The following RAB31 variants were observed in gnomAD, a reference collection of about 807,000 sequenced individuals.
RAB31 encodes the protein RAB31, member RAS oncogene family.
In RAB31, 21 loss-of-function variants were observed where a neutral mutation model predicts 25.6. The observed-to-expected ratio is 0.82, with a 90% confidence interval of 0.58 to 1.18. The LOEUF (loss-of-function observed/expected upper bound fraction) is 1.18, where lower values mean the gene tolerates loss of function less well. Ranked by LOEUF, RAB31 falls within the 50% of genes most tolerant of loss-of-function variation. The pLI is 0.00. For missense variants in RAB31, 196 were observed against 250.1 expected, an observed-to-expected ratio of 0.78 and a Z score of 1.46; for synonymous variants, 87 against 84.0, an observed-to-expected ratio of 1.04 and a Z score of -0.20.
intron 1 of RAB31, among the ~76,000 whole-genome samples, chr18:9,753,942 G>A (rs558683150): frequency 1.3e-5 from 2 of 152,248 alleles, no homozygotes; most frequent in African/African-American, 2.4e-5. Flanking sequence ...GATGCAAGGC[G>A]TGTTCTAGTG....
chr18:9,844,580 G>C (rs1231495407), intron 5 of RAB31: 3 of 152,274 alleles, frequency 2.0e-5, no homozygotes, highest in African/African-American at 7.2e-5. Flanking sequence ...GTTTGTCTGT[G>C]TTCTAAAGCA....
intron 1 of RAB31, among the ~76,000 whole-genome samples, chr18:9,757,752 T>G (rs1481558691): frequency 6.6e-6 from 1 of 152,184 alleles, no homozygotes; most frequent in African/African-American, 2.4e-5. Context: ...TGCAGGAATG[T>G]CAGAAGTAGG....
chr18:9,774,748 G>C (rs1212506558), intron 1 of RAB31: 1 of 446,964 alleles, frequency 2.2e-6, no homozygotes, highest in Non-Finnish European at 4.4e-6. Context: ...ACTGAGACAA[G>C]ACCATTATAT....
At chr18:9,721,528 A>G (rs2068073609) in intron 1 of RAB31, among the ~76,000 whole-genome samples, 1 of 152,030 alleles carries the variant, frequency 6.6e-6, no homozygotes, top group South Asian at 2.1e-4. Flanking sequence ...AGGCAGGAGA[A>G]TTGTTTTAAC....
At chr18:9,732,380 G>T (rs551552556) in intron 1 of RAB31, among the ~76,000 whole-genome samples, 3 of 152,246 alleles carry the variant, frequency 2.0e-5, no homozygotes, top group Admixed American at 2.0e-4. Flanking sequence ...AGCAGGGCAG[G>T]GCTGTAGCCA....
intron 3 of RAB31, among the ~76,000 whole-genome samples, chr18:9,812,472 C>T (rs8089825): frequency 0.2 from 30,262 of 151,926 alleles, 6,808 homozygotes; most frequent in African/African-American, 0.55. Flanking sequence ...TTCCCAAACC[C>T]ACACCAACAC....
At chr18:9,757,603 C>T (rs1599026486) in intron 1 of RAB31, among the ~76,000 whole-genome samples, 1 of 152,212 alleles carries the variant, frequency 6.6e-6, no homozygotes, top group Non-Finnish European at 1.5e-5. Flanking sequence ...CCACGTTGAA[C>T]CTAGGATGAT....
intron 3 of RAB31, among the ~76,000 whole-genome samples, chr18:9,808,876 C>T (rs1406687155): frequency 3.3e-5 from 5 of 152,232 alleles, no homozygotes; most frequent in Non-Finnish European, 7.3e-5. Flanking sequence ...TGGGAAACTT[C>T]ATGTATTTTC....
intron 1 of RAB31, among the ~76,000 whole-genome samples, chr18:9,730,287 T>C (rs1384860529): frequency 1.6e-5 from 2 of 123,988 alleles, no homozygotes; most frequent in Non-Finnish European, 3.5e-5. Flanking sequence ...CCTCACCTTA[T>C]CTTTTTTTTT....
rs998825466 is a variant in RAB31 at position 9,737,828 on chromosome 18, G to A, written c.39+29384G>A. Among the ~76,000 whole-genome samples, 20 of 152,180 alleles carry A rather than the reference G, an allele frequency of 1.3e-4. 1 individual carries two copies. Among genetic ancestry groups the A allele is most frequent in the Admixed American group, 1.3e-3 (20 of 15,270 alleles). ...GTCCATAGCATAAGGAAACCAAGCA[G>A]GGGTCTCTAAATAGGTCAGAGGGTT... On this transcript the variant is annotated intron_variant, in intron 1 of 6. Coordinates refer to ENST00000578921, the MANE Select transcript of RAB31 (RefSeq NM_006868.4).
intron 5 of RAB31, among the ~76,000 whole-genome samples, chr18:9,840,527 C>T (rs188498425): frequency 2.0e-4 from 31 of 152,308 alleles, no homozygotes; most frequent in Non-Finnish European, 2.4e-4. Context: ...CCCAGTTTTA[C>T]ATGTTTGCAA....
chr18:9,716,292 C>T lies in RAB31; in HGVS notation c.39+7848C>T, dbSNP rs181074247. On this transcript the variant is annotated intron_variant, in intron 1 of 6. Transcript: ENST00000578921. ...TGTTTGGGTGAGAATACAACGCAGG[C>T]GATCTCGAGTGGTCTTATTTTTTAA... Among the ~76,000 whole-genome samples the T allele has an allele frequency of 4.7e-4, 72 of 152,140 alleles. 1 individual carries two copies. Among genetic ancestry groups the T allele is most frequent in the African/African-American group, 1.4e-3 (60 of 41,494 alleles).
intron 2 of RAB31, chr18:9,787,559 C>T (rs1330422364): frequency 1.6e-5 from 3 of 186,404 alleles, no homozygotes; most frequent in Non-Finnish European, 3.7e-5. Context: ...GTGCAGTCAG[C>T]ACTTACCATC....
At chr18:9,840,029 C>T (rs917384886) in intron 5 of RAB31, among the ~76,000 whole-genome samples, 5 of 152,286 alleles carry the variant, frequency 3.3e-5, no homozygotes, top group South Asian at 2.1e-4. Flanking sequence ...CTGGAGCTGG[C>T]CACCGCTGCT....
At chr18:9,819,242 T>C (rs1174148689) in intron 5 of RAB31, among the ~76,000 whole-genome samples, 1 of 152,214 alleles carries the variant, frequency 6.6e-6, no homozygotes, top group African/African-American at 2.4e-5. Context: ...AGTTACTTTT[T>C]GTATGTAATG....
chr18:9,773,757 C>G (rs2068357615), intron 1 of RAB31, among the ~76,000 whole-genome samples: 1 of 152,182 alleles, frequency 6.6e-6, no homozygotes, highest in Non-Finnish European at 1.5e-5. Context: ...TTCCCGGGCT[C>G]AAGCCATCTT....
chr18:9,859,701 A>G lies in RAB31; in HGVS notation c.*376A>G, dbSNP rs990192156. The G allele has an allele frequency of 6.8e-5, 11 of 161,062 alleles. No homozygotes were observed. The highest frequency in any genetic ancestry group is 2.6e-4 in the African/African-American group (11 of 41,760). The allele number at this position is 161,062 out of a possible 1,614,324, so 10.0% of individuals were successfully genotyped here. The stretch of plus-strand genomic sequence containing the variant: ...TCCACTTGGATTTCCTGTGCTACCT[A>G]TCCAAATTCCAGTAACTACTTCAGT... On this transcript the variant is annotated 3_prime_UTR_variant, in exon 7 of 7. Coordinates refer to ENST00000578921, the MANE Select transcript of RAB31 (RefSeq NM_006868.4).
chr18:9,770,540 A>T (rs2068339121), intron 1 of RAB31, among the ~76,000 whole-genome samples: 1 of 152,224 alleles, frequency 6.6e-6, no homozygotes, highest in Non-Finnish European at 1.5e-5. Flanking sequence ...CATATGAGGG[A>T]TCCATTTCCC....
At chr18:9,754,011 C>T (rs1432042021) in intron 1 of RAB31, among the ~76,000 whole-genome samples, 1 of 152,200 alleles carries the variant, frequency 6.6e-6, no homozygotes, top group Non-Finnish European at 1.5e-5. Context: ...CCAAGTGCAT[C>T]ACCACTGGGC....
Sources: gnomAD v4.1 joint callset for allele counts (sites outside exome capture counted in the v4.1 genomes callset) on GRCh38, gnomAD v4.1.1 for gene constraint, MANE v1.5 for transcripts, NCBI Gene and HGNC (gene_info 2026-07-23, HGNC 2026-07-21) for gene names.